The following MEIOSIN variants were observed in gnomAD, a reference collection of about 807,000 sequenced individuals.
MEIOSIN encodes meiosis initiator protein.
In MEIOSIN, 18 loss-of-function variants were observed where a neutral mutation model predicts 23.4. That is an observed-to-expected ratio of 0.77 (90% CI 0.53 to 1.14). The LOEUF is 1.14. Ranked by LOEUF, MEIOSIN falls within the 50% of genes most tolerant of loss-of-function variation. The probability of loss-of-function intolerance (pLI) is 0.00; values close to 1 mark genes in which losing one functional copy is unlikely to be tolerated. For synonymous variants in MEIOSIN, 187 were observed against 100.6 expected (o/e 1.86, Z -5.14); for missense variants, 428 against 242.9 (o/e 1.76, Z -5.07).
intron 4 of MEIOSIN, among the ~76,000 whole-genome samples, chr19:45,750,027 AAAAG>A (rs1030512009): frequency 2.7e-5 from 4 of 150,314 alleles, no homozygotes; most frequent in Non-Finnish European, 4.4e-5. Context: ...AAGAAAAAGA[AAAAG>A]AAAGAAAGAC....
At chr19:45,747,199 T>A (rs1462445835) in intron 4 of MEIOSIN, among the ~76,000 whole-genome samples, 1 of 152,154 alleles carries the variant, frequency 6.6e-6, no homozygotes, top group South Asian at 2.1e-4. Flanking sequence ...AGAACCCCTC[T>A]TCTCCCACCT....
At chr19:45,752,572 T>A (rs906936422) in intron 5 of MEIOSIN, among the ~76,000 whole-genome samples, 1 of 151,904 alleles carries the variant, frequency 6.6e-6, no homozygotes, top group African/African-American at 2.4e-5. Context: ...AAGCTGGTCT[T>A]AAACCCCTGG....
intron 1 of MEIOSIN, among the ~76,000 whole-genome samples, chr19:45,734,108 G>C (rs1317918220): frequency 6.6e-6 from 1 of 152,112 alleles, no homozygotes; most frequent in Admixed American, 6.6e-5. Flanking sequence ...TATAGATTTA[G>C]GGCCTAAATC....
chr19:45,755,049 A>G (rs1013756677), intron 7 of MEIOSIN, among the ~76,000 whole-genome samples: 5 of 151,948 alleles, frequency 3.3e-5, no homozygotes, highest in African/African-American at 1.2e-4. Flanking sequence ...ACGTGTGGTG[A>G]TGCTTTCAAG....
At chr19:45,747,612 G>A (rs1292966222) in intron 4 of MEIOSIN, among the ~76,000 whole-genome samples, 2 of 152,188 alleles carry the variant, frequency 1.3e-5, no homozygotes, top group Non-Finnish European at 2.9e-5. Context: ...CTTACTGAGC[G>A]TTCCAGGTGT....
intron 2 of MEIOSIN, 74 bp from the exon 3 acceptor site, chr19:45,739,552 T>C: frequency 1.4e-6 from 1 of 698,842 alleles, no homozygotes; most frequent in South Asian, 1.5e-5. Flanking sequence ...TTTCTAAGAT[T>C]GATTGACTCT....
intron 9 of MEIOSIN, 119 bp downstream of exon 9, chr19:45,757,396 G>A: frequency 1.7e-6 from 1 of 593,796 alleles, no homozygotes; most frequent in Non-Finnish European, 3.1e-6. Context: ...CCTAAGCACA[G>A]GGAAGGCAAA....
chr19:45,750,421 G>A (rs1432154675), intron 4 of MEIOSIN, among the ~76,000 whole-genome samples: 2 of 143,680 alleles, frequency 1.4e-5, no homozygotes, highest in African/African-American at 2.6e-5. Context: ...GTGCAACGGC[G>A]TGATCTTGGC....
chr19:45,760,593 C>T (rs960703605), intron 11 of MEIOSIN, among the ~76,000 whole-genome samples: 15 of 148,008 alleles, frequency 1.0e-4, no homozygotes, highest in Admixed American at 6.9e-4. Context: ...GCAACAAGAG[C>T]GAAACCCAGT....
At chr19:45,753,209 G>C (rs139916766) in intron 5 of MEIOSIN, among the ~76,000 whole-genome samples, 1 of 152,150 alleles carries the variant, frequency 6.6e-6, no homozygotes, top group Non-Finnish European at 1.5e-5. Flanking sequence ...CCAAGCTAGC[G>C]CTGTAGATGA....
chr19:45,749,085 C>G (rs1968644208), intron 4 of MEIOSIN, among the ~76,000 whole-genome samples: 1 of 144,778 alleles, frequency 6.9e-6, no homozygotes, highest in Admixed American at 6.9e-5. Flanking sequence ...AAAAAAAAGA[C>G]TGAGGCCAGG....
chr19:45,752,960 T>C (rs1188579345), intron 5 of MEIOSIN, among the ~76,000 whole-genome samples: 1 of 150,522 alleles, frequency 6.6e-6, no homozygotes, highest in African/African-American at 2.5e-5. Context: ...TCTCGCTCTT[T>C]TCGCCCAGGC....
intron 2 of MEIOSIN, 111 bp downstream of exon 2, chr19:45,735,558 G>A: frequency 1.6e-6 from 1 of 612,276 alleles, no homozygotes; most frequent in Non-Finnish European, 3.0e-6. Flanking sequence ...CAAACATTTT[G>A]TTTGTATGAT....
chr19:45,743,228 A>G (rs1257546930), intron 3 of MEIOSIN, among the ~76,000 whole-genome samples: 1 of 152,166 alleles, frequency 6.6e-6, no homozygotes, highest in Non-Finnish European at 1.5e-5. Context: ...ATAAACACCC[A>G]GGGACTATGG....
intron 13 of MEIOSIN, among the ~76,000 whole-genome samples, chr19:45,762,710 G>A (rs1256773795): frequency 6.6e-6 from 1 of 152,112 alleles, no homozygotes; most frequent in Non-Finnish European, 1.5e-5. Flanking sequence ...CAAATTGCTG[G>A]GATTACAGGT....
In MEIOSIN at chr19:45,763,532, G is replaced by A. The variant is rs545980228; in HGVS notation, c.1769+105G>A. Reference sequence around the variant, plus strand: ...CTTGGGTGTCATGGCATGGGAGACTGGGCCGAGGAATTTGCGTGTTGCCCC... The same window carrying A: ...CTTGGGTGTCATGGCATGGGAGACTAGGCCGAGGAATTTGCGTGTTGCCCC... On this transcript the variant is annotated intron_variant, in intron 14 of 14. Transcript: ENST00000457052. 1.3e-5 allele frequency: 5 copies of A among 397,806 alleles called. No individual in the cohort carries two copies. In the Admixed American group the frequency reaches 1.8e-4, roughly 14 times the overall value. The allele number at this position is 397,806 out of a possible 1,614,324, so 24.6% of individuals were successfully genotyped here. A position where few individuals can be genotyped will look rare whatever the true frequency, so the allele number is the denominator to read the frequency against.
At chr19:45,759,288 G>A (rs1968895436) in intron 10 of MEIOSIN, 126 bp from the exon 11 acceptor site, 1 of 653,222 alleles carries the variant, frequency 1.5e-6, no homozygotes, top group Non-Finnish European at 2.8e-6. Flanking sequence ...TTTGGACCTA[G>A]GGTGGGAGAT....
Position 45,764,222 on chromosome 19 carries a change from C to A in MEIOSIN, c.*104C>A. 2.5e-6 allele frequency: 1 copy of A among 398,070 alleles called. No individual in the cohort carries two copies. The allele number at this position is 398,070 out of a possible 1,614,324, so 24.7% of individuals were successfully genotyped here. On this transcript the variant is annotated 3_prime_UTR_variant, in exon 15 of 15. Transcript: ENST00000457052. ...ACTTGTCCCTCCTGGGCCTCCAGCC[C>A]CTGAGAATGCAGGTCCCATGGGACT...
At chr19:45,743,190 G>T (rs1020430049) in intron 3 of MEIOSIN, among the ~76,000 whole-genome samples, 12 of 152,078 alleles carry the variant, frequency 7.9e-5, no homozygotes, top group East Asian at 1.9e-4. Context: ...TACCCAGAAG[G>T]TTCACCCTGT....
Sources: allele counts gnomAD v4.1 joint callset (sites outside exome capture counted in the v4.1 genomes callset), GRCh38; gene constraint gnomAD v4.1.1; transcripts MANE v1.5; gene names NCBI Gene and HGNC (gene_info 2026-07-23, HGNC 2026-07-21).